Variants in PTPN9 observed in about 807,000 individuals in gnomAD.
PTPN9 encodes tyrosine-protein phosphatase non-receptor type 9.
In PTPN9, 26 loss-of-function variants were observed where a neutral mutation model predicts 69.8. That is an observed-to-expected ratio of 0.37 (90% CI 0.27 to 0.52). The LOEUF is 0.52. Ranked by LOEUF, PTPN9 falls within the 20% of genes least tolerant of loss-of-function variation. The pLI is 0.91. For synonymous variants in PTPN9, 274 were observed against 272.5 expected (o/e 1.01, Z -0.05); for missense variants, 549 against 740.3 (o/e 0.74, Z 3.00).
At chr15:75,491,068 C>T (rs1032353478) in intron 7 of PTPN9, among the ~76,000 whole-genome samples, 4 of 151,988 alleles carry the variant, frequency 2.6e-5, no homozygotes, top group Middle Eastern at 3.2e-3. Flanking sequence ...ATGACAGCGC[C>T]ACTGCACACC....
intron 8 of PTPN9, chr15:75,487,766 T>A (rs2074687062): frequency 6.6e-6 from 1 of 152,174 alleles, no homozygotes; most frequent in African/African-American, 2.4e-5. Flanking sequence ...GACTGTGAAT[T>A]CAGTTTATGT....
chr15:75,560,692 T>TGA (rs2075100660), intron 1 of PTPN9, among the ~76,000 whole-genome samples: 1 of 151,932 alleles, frequency 6.6e-6, no homozygotes, highest in African/African-American at 2.4e-5. Context: ...GGCAACACAG[T>TGA]GAGACACCCA....
intron 1 of PTPN9, among the ~76,000 whole-genome samples, chr15:75,568,388 G>A (rs2075135127): frequency 6.6e-6 from 1 of 151,490 alleles, no homozygotes; most frequent in African/African-American, 2.4e-5. Context: ...CACGCTTTTA[G>A]TCCCAGCTTC....
intron 1 of PTPN9, among the ~76,000 whole-genome samples, chr15:75,538,212 A>G (rs2074993473): frequency 6.6e-6 from 1 of 152,158 alleles, no homozygotes; most frequent in Non-Finnish European, 1.5e-5. Context: ...AAAGGAAAAA[A>G]AAGTATATAA....
intron 7 of PTPN9, among the ~76,000 whole-genome samples, chr15:75,494,334 A>G (rs564798550): frequency 6.6e-6 from 1 of 152,194 alleles, no homozygotes; most frequent in South Asian, 2.1e-4. Flanking sequence ...GACCTACACT[A>G]AGGCACATCA....
chr15:75,551,765 G>A (rs1211960265), intron 1 of PTPN9, among the ~76,000 whole-genome samples: 1 of 152,072 alleles, frequency 6.6e-6, no homozygotes. Context: ...AGCCAGGCAT[G>A]GTGGCTCATA....
At chr15:75,493,221 T>TA (rs945839530) in intron 7 of PTPN9, among the ~76,000 whole-genome samples, 3 of 149,676 alleles carry the variant, frequency 2.0e-5, no homozygotes, top group Non-Finnish European at 3.0e-5. Context: ...TACAGAAGTT[T>TA]AAAAAAAAAG....
chr15:75,530,468 A>G (rs1459360931), intron 1 of PTPN9, among the ~76,000 whole-genome samples: 29 of 100,246 alleles, frequency 2.9e-4, no homozygotes, highest in African/African-American at 1.1e-3. Context: ...AATATATATT[A>G]TAATAATAAA....
chr15:75,507,762 G>A (rs142425303), intron 6 of PTPN9, among the ~76,000 whole-genome samples: 322 of 150,506 alleles, frequency 2.1e-3, no homozygotes, highest in Non-Finnish European at 4.0e-3. Context: ...GCGAGACTCC[G>A]TCTCAAAAAA....
At chr15:75,486,275 A>G (rs1004104339) in intron 8 of PTPN9, among the ~76,000 whole-genome samples, 2 of 152,078 alleles carry the variant, frequency 1.3e-5, no homozygotes, top group East Asian at 3.9e-4. Flanking sequence ...CAGACCCTCA[A>G]TGTAATGGTA....
Position 75,578,826 on chromosome 15 carries a change from G to A in PTPN9, c.-50C>T. The A allele has an allele frequency of 1.7e-6, 2 of 1,165,104 alleles. No individual in the cohort carries two copies. The highest frequency in any genetic ancestry group is 1.1e-6 in the Non-Finnish European group (1 of 937,172). 72.2% of individuals were successfully genotyped at this position (1,165,104 alleles called of 1,614,324 possible). Reference sequence around the variant, plus strand: ...ACAAAACTCGCTCGCGAGCGCGGGAGCCCGGCGCGCTCGGCCTCCGCTTCC... The same window carrying A: ...ACAAAACTCGCTCGCGAGCGCGGGAACCCGGCGCGCTCGGCCTCCGCTTCC... On this transcript the variant is annotated 5_prime_UTR_variant, in exon 1 of 13. Coordinates refer to ENST00000618819, the MANE Select transcript of PTPN9 (RefSeq NM_002833.4).
intron 7 of PTPN9, among the ~76,000 whole-genome samples, chr15:75,504,677 C>T (rs868770451): frequency 1.3e-4 from 18 of 140,968 alleles, no homozygotes; most frequent in Non-Finnish European, 2.7e-4. Flanking sequence ...CCGCCCTGTC[C>T]GGGAGGGAGG....
intron 1 of PTPN9, among the ~76,000 whole-genome samples, chr15:75,561,427 A>C (rs2075103615): frequency 1.4e-5 from 2 of 144,458 alleles, no homozygotes; most frequent in Non-Finnish European, 3.0e-5. Context: ...ACAGAAAAGG[A>C]AAAAAAAAAA....
chr15:75,567,094 C>T (rs2075129849), intron 1 of PTPN9, among the ~76,000 whole-genome samples: 1 of 151,342 alleles, frequency 6.6e-6, no homozygotes, highest in South Asian at 2.1e-4. Flanking sequence ...CGGCTCACTG[C>T]AACCTCCACC....
chr15:75,566,902 A>G (rs1189286801), intron 1 of PTPN9, among the ~76,000 whole-genome samples: 2 of 152,128 alleles, frequency 1.3e-5, no homozygotes, highest in Non-Finnish European at 2.9e-5. Flanking sequence ...AAGTGGGAGC[A>G]TCGCTTGAGC....
chr15:75,525,747 G>A (rs796970351), intron 2 of PTPN9, among the ~76,000 whole-genome samples: 3 of 150,880 alleles, frequency 2.0e-5, no homozygotes, highest in Admixed American at 1.3e-4. Context: ...GCAAAACCCC[G>A]TCTCTACTAA....
At chr15:75,576,653 C>T (rs1197828466) in intron 1 of PTPN9, among the ~76,000 whole-genome samples, 1 of 151,428 alleles carries the variant, frequency 6.6e-6, no homozygotes, top group East Asian at 1.9e-4. Flanking sequence ...ACTAAAAATA[C>T]AAAAATTAGC....
At chr15:75,542,924 G>A (rs1048915926) in intron 1 of PTPN9, among the ~76,000 whole-genome samples, 2 of 147,698 alleles carry the variant, frequency 1.4e-5, no homozygotes, top group African/African-American at 5.0e-5. Flanking sequence ...ATGTATACAT[G>A]TGCCATGTTG....
intron 1 of PTPN9, among the ~76,000 whole-genome samples, chr15:75,540,559 AAAAG>A (rs371414252): frequency 0.42 from 44,669 of 105,740 alleles, 8,241 homozygotes; most frequent in African/African-American, 0.57. Flanking sequence ...AAAAAAAAAA[AAAAG>A]AAAGAAAGAA....
Sources: allele counts gnomAD v4.1 joint callset (sites outside exome capture counted in the v4.1 genomes callset), GRCh38; gene constraint gnomAD v4.1.1; transcripts MANE v1.5; gene names NCBI Gene and HGNC (gene_info 2026-07-23, HGNC 2026-07-21).